Variants in MARCHF1 observed in about 807,000 individuals in gnomAD.
MARCHF1 encodes the protein E3 ubiquitin-protein ligase MARCHF1.
Under a neutral mutation model 54.2 loss-of-function variants are expected in MARCHF1, and 40 were observed. The ratio of observed to expected loss-of-function variants is 0.74; its 90% CI spans 0.57 to 0.96. The LOEUF is 0.96. Ranked by LOEUF, MARCHF1 falls within the 40% of genes least tolerant of loss-of-function variation. MARCHF1 has a pLI of 0.00. For synonymous variants in MARCHF1, 236 were observed against 236.3 expected (o/e 1.00, Z 0.01); for missense variants, 586 against 656.5 (o/e 0.89, Z 1.17).
intron 9 of MARCHF1, among the ~76,000 whole-genome samples, chr4:163,533,071 T>TATTC (rs1738408371): frequency 1.3e-5 from 2 of 152,028 alleles, no homozygotes; most frequent in Non-Finnish European, 1.5e-5. Flanking sequence ...GTAGCAGCTT[T>TATTC]ATTCATATAT....
chr4:163,770,077 T>G (rs566149489), intron 4 of MARCHF1, among the ~76,000 whole-genome samples: 2 of 23,934 alleles, frequency 8.4e-5, no homozygotes, highest in African/African-American at 2.2e-4. Context: ...ATATTTGCTT[T>G]TCTCTAGCTT....
rs1741234686 is a variant in MARCHF1 at position 163,608,950 on chromosome 4, C to T, written c.1010+3321G>A. Among the ~76,000 whole-genome samples the T allele has an allele frequency of 1.3e-5, 2 of 152,056 alleles. 1 individual carries two copies. The highest frequency in any genetic ancestry group is 6.3e-3 in the Middle Eastern group (2 of 316). On this transcript the variant is annotated intron_variant, in intron 7 of 9. Coordinates refer to ENST00000514618, the MANE Select transcript of MARCHF1 (RefSeq NM_001394959.1). ...ATATATCTTTTCTCCTACACAAGATCTTTTGTAGTGATTTAATTCACTTTC... is the reference window on the plus strand; with the variant it reads ...ATATATCTTTTCTCCTACACAAGATTTTTTGTAGTGATTTAATTCACTTTC...
chr4:163,836,306 C>T (rs984345506), intron 4 of MARCHF1, among the ~76,000 whole-genome samples: 3 of 150,978 alleles, frequency 2.0e-5, no homozygotes, highest in Admixed American at 6.6e-5. Context: ...AGTGCAGTGG[C>T]ACAATCTCGG....
intron 4 of MARCHF1, among the ~76,000 whole-genome samples, chr4:163,778,207 T>C (rs1217636760): frequency 6.6e-6 from 1 of 152,216 alleles, no homozygotes; most frequent in African/African-American, 2.4e-5. Context: ...TTGGGTACTA[T>C]AAAGAAAGCT....
At chr4:164,328,528 T>C (rs908640295) in intron 1 of MARCHF1, among the ~76,000 whole-genome samples, 6 of 151,962 alleles carry the variant, frequency 3.9e-5, no homozygotes, top group South Asian at 2.1e-4. Context: ...TCGAGTCATA[T>C]GAAATTTTTT....
intron 3 of MARCHF1, among the ~76,000 whole-genome samples, chr4:163,945,158 CAT>C (rs762611627): frequency 1.3e-5 from 2 of 152,162 alleles, no homozygotes; most frequent in Admixed American, 6.5e-5. Flanking sequence ...TAATGTCACA[CAT>C]GTTATCTATT....
At chr4:164,116,703 A>T (rs1755945819) in intron 1 of MARCHF1, among the ~76,000 whole-genome samples, 1 of 152,102 alleles carries the variant, frequency 6.6e-6, no homozygotes. Flanking sequence ...CCATACATAG[A>T]AAGCATTTCC....
At chr4:164,190,047 A>C (rs773193258) in intron 1 of MARCHF1, 5 of 1,355,044 alleles carry the variant, frequency 3.7e-6, no homozygotes, top group Non-Finnish European at 5.3e-6. Context: ...CAAGGAGTGC[A>C]TTGATACTAC....
At chr4:163,899,705 A>T (rs1750895344) in intron 3 of MARCHF1, among the ~76,000 whole-genome samples, 1 of 151,592 alleles carries the variant, frequency 6.6e-6, no homozygotes, top group Non-Finnish European at 1.5e-5. Context: ...CTCCATTGGG[A>T]TGTCTAATGA....
chr4:164,315,959 T>G (rs1734985451), intron 1 of MARCHF1, among the ~76,000 whole-genome samples: 1 of 152,198 alleles, frequency 6.6e-6, no homozygotes, highest in African/African-American at 2.4e-5. Context: ...GGCTGAGTTT[T>G]AAGTCTAGCT....
At chr4:163,987,173 AACAG>A (rs2110884031) in intron 3 of MARCHF1, among the ~76,000 whole-genome samples, 1 of 152,342 alleles carries the variant, frequency 6.6e-6, no homozygotes, top group African/African-American at 2.4e-5. Flanking sequence ...AGTCAAAGGA[AACAG>A]ACACTCTAGA....
intron 2 of MARCHF1, among the ~76,000 whole-genome samples, chr4:164,106,786 A>AAT (rs1560907407): frequency 1.1e-4 from 16 of 151,956 alleles, no homozygotes; most frequent in Non-Finnish European, 2.4e-4. Context: ...AAATAAAAAA[A>AAT]AAAAAGGAAT....
At chr4:164,122,843 C>G (rs889670566) in intron 1 of MARCHF1, among the ~76,000 whole-genome samples, 3 of 152,084 alleles carry the variant, frequency 2.0e-5, no homozygotes, top group African/African-American at 7.2e-5. Context: ...TAGTGAAAAA[C>G]TGAAAGCCTT....
At chr4:163,626,304 A>G (rs1286703541) in intron 5 of MARCHF1, among the ~76,000 whole-genome samples, 1 of 152,224 alleles carries the variant, frequency 6.6e-6, no homozygotes, top group Non-Finnish European at 1.5e-5. Flanking sequence ...AATGTTAACT[A>G]TTGCCAATTG....
intron 5 of MARCHF1, among the ~76,000 whole-genome samples, chr4:163,615,466 A>G (rs2110940242): frequency 6.6e-6 from 1 of 152,188 alleles, no homozygotes; most frequent in African/African-American, 2.4e-5. Context: ...TCAAAAGAGA[A>G]ATCCCATTTA....
At chr4:164,133,400 CATT>C (rs2110826569) in intron 1 of MARCHF1, among the ~76,000 whole-genome samples, 1 of 152,314 alleles carries the variant, frequency 6.6e-6, no homozygotes, top group East Asian at 1.9e-4. Context: ...TATCTACTGT[CATT>C]GTGATTCCCT....
At chr4:163,741,446 G>T (rs1473550223) in intron 4 of MARCHF1, among the ~76,000 whole-genome samples, 1 of 152,116 alleles carries the variant, frequency 6.6e-6, no homozygotes, top group Non-Finnish European at 1.5e-5. Flanking sequence ...AGCCGGGCGT[G>T]GTGGCACATG....
At position 164,236,934 on chromosome 4, in the gene MARCHF1, G is replaced by T. The variant is rs146845649; in HGVS notation, c.-322-125272C>A. On this transcript the variant is annotated intron_variant, in intron 1 of 9. Transcript: ENST00000514618. ...GCCTTCTTCCACTTCTCTGGTCATT[G>T]TCTATCTCTTGTAATTGCACAACAG... 1.1e-4 allele frequency among the ~76,000 whole-genome samples: 17 copies of T among 152,166 alleles called. 1 individual carries two copies. The East Asian group carries it at 3.3e-3, about 29-fold the overall frequency.
intron 5 of MARCHF1, chr4:163,613,682 G>T: frequency 8.1e-7 from 1 of 1,242,218 alleles, no homozygotes; most frequent in Non-Finnish European, 1.1e-6. Flanking sequence ...CATTTGAGTG[G>T]AATAGCTCAA....
Sources: gnomAD v4.1 joint callset for allele counts (sites outside exome capture counted in the v4.1 genomes callset) on GRCh38, gnomAD v4.1.1 for gene constraint, MANE v1.5 for transcripts, NCBI Gene and HGNC (gene_info 2026-07-23, HGNC 2026-07-21) for gene names.